DNAH11: variants seen among roughly 807,000 people sequenced by gnomAD.
DNAH11 encodes dynein axonemal heavy chain 11, also known as axonemal beta dynein heavy chain 11.
A neutral mutation model predicts 526.0 loss-of-function variants in DNAH11; 442 were observed. That is an observed-to-expected ratio of 0.84 (90% CI 0.78 to 0.91). The LOEUF (loss-of-function observed/expected upper bound fraction) is 0.91, where lower values mean the gene tolerates loss of function less well. DNAH11 is among the 40% of genes least tolerant of loss of function. DNAH11 has a pLI of 0.00. For missense variants in DNAH11, 6,989 were observed against 5,448.7 expected (o/e 1.28, Z -8.90); for synonymous variants, 2,461 against 1,935.9 (o/e 1.27, Z -7.12).
chr7:21,854,219 T>C (rs1782744729), intron 67 of DNAH11, 96 bp from the exon 68 acceptor site: 3 of 1,365,106 alleles, frequency 2.2e-6, no homozygotes, highest in Non-Finnish European at 2.0e-6. Flanking sequence ...TTAATACTCA[T>C]AATTTTTCAT....
At chr7:21,775,083 G>T (rs942685967) in intron 56 of DNAH11, among the ~76,000 whole-genome samples, 5 of 152,112 alleles carry the variant, frequency 3.3e-5, no homozygotes, top group Non-Finnish European at 5.9e-5. Flanking sequence ...ATGTCCTTCA[G>T]TCACTCTGGG....
intron 51 of DNAH11, among the ~76,000 whole-genome samples, chr7:21,748,073 G>A (rs1413068073): frequency 6.6e-6 from 1 of 152,216 alleles, no homozygotes; most frequent in East Asian, 1.9e-4. Flanking sequence ...AGCAGTTCAA[G>A]GGTTAGGGTG....
intron 43 of DNAH11, 63 bp downstream of exon 43, chr7:21,717,988 A>G (rs1784729082): frequency 6.5e-7 from 1 of 1,530,672 alleles, no homozygotes; most frequent in African/African-American, 1.4e-5. Context: ...GTTGATCAAG[A>G]CAACAGAAGA....
intron 81 of DNAH11, 30 bp downstream of exon 81, chr7:21,900,150 C>G (rs754279261): frequency 5.1e-5 from 81 of 1,584,072 alleles, no homozygotes; most frequent in Middle Eastern, 3.4e-4. Flanking sequence ...AAGTGGGGAA[C>G]CTTTTCTTAC....
At chr7:21,633,329 T>G (rs1247699544) in intron 25 of DNAH11, among the ~76,000 whole-genome samples, 1 of 152,222 alleles carries the variant, frequency 6.6e-6, no homozygotes, top group East Asian at 1.9e-4. Flanking sequence ...TAGGTCTATT[T>G]GGTCTAAGGT....
At chr7:21,900,821 C>G (rs1784769944) in intron 81 of DNAH11, 186 bp from the exon 82 acceptor site, 1 of 877,582 alleles carries the variant, frequency 1.1e-6, no homozygotes, top group African/African-American at 1.7e-5. Context: ...AAAGCGGTGC[C>G]TCCGCTGCAG....
intron 2 of DNAH11, among the ~76,000 whole-genome samples, chr7:21,550,380 G>A (rs550646690): frequency 1.3e-5 from 2 of 152,232 alleles, no homozygotes; most frequent in East Asian, 1.9e-4. Flanking sequence ...ATGACAGGGT[G>A]GAGTATATGG....
intron 25 of DNAH11, among the ~76,000 whole-genome samples, chr7:21,635,521 G>A (rs1372804413): frequency 1.3e-5 from 2 of 152,190 alleles, no homozygotes; most frequent in African/African-American, 4.8e-5. Flanking sequence ...CAGGGATGAG[G>A]GGAAGAGCAA....
intron 30 of DNAH11, among the ~76,000 whole-genome samples, chr7:21,674,327 A>G (rs1188661406): frequency 4.0e-5 from 6 of 151,860 alleles, no homozygotes; most frequent in Non-Finnish European, 8.8e-5. Flanking sequence ...AAGTTCTGGG[A>G]TTACAGATGT....
At chr7:21,760,191 A>G (rs1483886895) in intron 54 of DNAH11, among the ~76,000 whole-genome samples, 1 of 152,094 alleles carries the variant, frequency 6.6e-6, no homozygotes, top group African/African-American at 2.4e-5. Flanking sequence ...ACATCTGTTG[A>G]GTGAGGGAGA....
Position 21,717,937 on chromosome 7 carries a change from GTTACGCCAT to G in DNAH11, c.7134+16_7134+24del, listed in dbSNP as rs745378562. 6.2e-7 allele frequency: 1 copy of G among 1,607,874 alleles called. No homozygotes were observed. The highest frequency in any genetic ancestry group is 1.1e-5 in the South Asian group (1 of 90,198). ...GTAGCCTGGTGCAGGTTTGTCTTCG[GTTACGCCAT>G]TTAACGTTCTAGTTCTGATGCGGTA... On this transcript the variant is annotated intron_variant, in intron 43 of 81. Transcript: ENST00000409508.
chr7:21,789,442 A>T (rs1189161440), intron 61 of DNAH11, 100 bp downstream of exon 61: 1 of 695,138 alleles, frequency 1.4e-6, no homozygotes, highest in Non-Finnish European at 2.4e-6. Context: ...AGCCCTATCA[A>T]GCAGAAAGGA....
chr7:21,675,287 G>A (rs112541618), intron 30 of DNAH11, among the ~76,000 whole-genome samples: 7 of 152,252 alleles, frequency 4.6e-5, no homozygotes, highest in Non-Finnish European at 8.8e-5. Flanking sequence ...TCCTGCCATG[G>A]GTGACCTCTT....
At chr7:21,883,692 G>C (rs2128043348) in intron 75 of DNAH11, among the ~76,000 whole-genome samples, 1 of 152,322 alleles carries the variant, frequency 6.6e-6, no homozygotes, top group South Asian at 2.1e-4. Flanking sequence ...ATGAGAATTT[G>C]AATGTATAAA....
chr7:21,793,755 TAGTG>T (rs1347130538), intron 61 of DNAH11, among the ~76,000 whole-genome samples: 12 of 152,250 alleles, frequency 7.9e-5, no homozygotes, highest in Non-Finnish European at 7.3e-5. Flanking sequence ...ATCTGTCTGT[TAGTG>T]AGCGTAGGGT....
intron 65 of DNAH11, among the ~76,000 whole-genome samples, chr7:21,833,894 A>G (rs886283154): frequency 1.3e-5 from 2 of 152,080 alleles, no homozygotes; most frequent in Non-Finnish European, 2.9e-5. Context: ...ATACAGCAAA[A>G]CGATAATAAT....
intron 65 of DNAH11, among the ~76,000 whole-genome samples, chr7:21,831,720 A>G (rs1284170722): frequency 3.9e-5 from 6 of 152,200 alleles, no homozygotes; most frequent in Admixed American, 3.9e-4. Flanking sequence ...TGCAAGAGAG[A>G]CACAGAGTGA....
intron 65 of DNAH11, among the ~76,000 whole-genome samples, chr7:21,829,892 C>T (rs1790472681): frequency 6.6e-6 from 1 of 152,170 alleles, no homozygotes; most frequent in Non-Finnish European, 1.5e-5. Context: ...TTGAATTGTT[C>T]TGTCACAGAA....
At chr7:21,688,725 C>G (rs1367363828) in intron 34 of DNAH11, among the ~76,000 whole-genome samples, 1 of 152,186 alleles carries the variant, frequency 6.6e-6, no homozygotes, top group Non-Finnish European at 1.5e-5. Context: ...TAACTTGGGC[C>G]AAGACCTTTC....
Sources: allele counts gnomAD v4.1 joint callset (sites outside exome capture counted in the v4.1 genomes callset), GRCh38; gene constraint gnomAD v4.1.1; transcripts MANE v1.5; gene names NCBI Gene and HGNC (gene_info 2026-07-23, HGNC 2026-07-21).